The following CEP89 variants were observed in gnomAD, a reference collection of about 807,000 sequenced individuals.
CEP89 encodes centrosomal protein of 89 kDa.
In CEP89, 95 loss-of-function variants were observed where a neutral mutation model predicts 97.6. That is an observed-to-expected ratio of 0.97 (90% CI 0.82 to 1.15). CEP89 has a LOEUF of 1.15. Ranked by LOEUF, CEP89 falls within the 50% of genes most tolerant of loss-of-function variation. The pLI, the probability that CEP89 is intolerant of heterozygous loss-of-function variation, is 0.00. For synonymous variants in CEP89, 354 were observed against 349.1 expected, an observed-to-expected ratio of 1.01 and a Z score of -0.16; for missense variants, 869 against 947.7, an observed-to-expected ratio of 0.92 and a Z score of 1.09.
At chr19:32,897,129 A>G (rs1057189633) in intron 16 of CEP89, among the ~76,000 whole-genome samples, 1 of 152,242 alleles carries the variant, frequency 6.6e-6, no homozygotes. Flanking sequence ...TAGATTCCAA[A>G]GAACAGAAGT....
At chr19:32,957,381 A>G (rs1181116257) in intron 3 of CEP89, among the ~76,000 whole-genome samples, 2 of 148,420 alleles carry the variant, frequency 1.3e-5, no homozygotes, top group Non-Finnish European at 3.0e-5. Context: ...AATTGAGTGT[A>G]TGTGCGTGCA....
At chr19:32,917,820 A>ATTCC (rs1568559193) in intron 13 of CEP89, 1 of 984,532 alleles carries the variant, frequency 1.0e-6, no homozygotes. Flanking sequence ...CTCTGAAGGA[A>ATTCC]GGAAGGACAC....
intron 5 of CEP89, among the ~76,000 whole-genome samples, chr19:32,944,238 G>A (rs4805020): frequency 0.13 from 1,411 of 11,004 alleles, 44 homozygotes; most frequent in African/African-American, 0.22. Flanking sequence ...AAAAAAAAAA[G>A]ACTCTTCTTC....
At position 32,953,724 on chromosome 19, in the gene CEP89, TC is replaced by T; in HGVS notation, c.382del (p.Asp128ThrfsTer44). 6.2e-7 allele frequency: 1 copy of T among 1,614,094 alleles called. No homozygotes were observed. The highest frequency in any genetic ancestry group is 8.5e-7 in the Non-Finnish European group (1 of 1,179,966). ...FETLDYGDEE[D>X]IETQLSSSGK... ...GCTGGATGACAGCTGAGTTTCAATGTCCTCTTCGTCCCCATAGTCCAGTGTT... is the reference window on the plus strand; with the variant it reads ...GCTGGATGACAGCTGAGTTTCAATGTCTCTTCGTCCCCATAGTCCAGTGTT... On this transcript the variant is annotated frameshift_variant, in exon 4 of 19. Coordinates refer to ENST00000305768, the MANE Select transcript of CEP89 (RefSeq NM_032816.5). LOFTEE classifies it high-confidence loss of function.
chr19:32,906,736 T>C (rs1449649183), intron 14 of CEP89, among the ~76,000 whole-genome samples: 1 of 149,084 alleles, frequency 6.7e-6, no homozygotes, highest in African/African-American at 2.4e-5. Context: ...TAAATACTAA[T>C]AGTTACATAT....
chr19:32,897,561 G>A (rs546700716), intron 16 of CEP89, among the ~76,000 whole-genome samples: 1 of 152,222 alleles, frequency 6.6e-6, no homozygotes, highest in South Asian at 2.1e-4. Flanking sequence ...TACATTTAGA[G>A]GGTCCTGAAA....
intron 13 of CEP89, among the ~76,000 whole-genome samples, chr19:32,915,955 T>C (rs1970118438): frequency 6.8e-6 from 1 of 146,466 alleles, no homozygotes; most frequent in South Asian, 2.2e-4. Context: ...TGGAGTGTTA[T>C]AAATTAACAC....
chr19:32,895,094 A>T (rs911050549), intron 16 of CEP89, among the ~76,000 whole-genome samples: 2 of 152,196 alleles, frequency 1.3e-5, no homozygotes, highest in African/African-American at 2.4e-5. Context: ...TTCCAAAAAA[A>T]TTTAAGAGGA....
At chr19:32,918,469 C>T (rs1349493532) in intron 12 of CEP89, 130 bp from the exon 13 acceptor site, 3 of 667,182 alleles carry the variant, frequency 4.5e-6, no homozygotes, top group Admixed American at 2.5e-5. Context: ...TCATGTTAAA[C>T]ATATTAACAC....
chr19:32,911,962 C>T (rs1010698687), intron 14 of CEP89, among the ~76,000 whole-genome samples: 1 of 152,170 alleles, frequency 6.6e-6, no homozygotes, highest in African/African-American at 2.4e-5. Context: ...GCTGGTGGCT[C>T]ACACCTGTAA....
rs543970237 is a variant in CEP89 at position 32,929,150 on chromosome 19, T to C, written c.1030-2166A>G. ...ACATTGGCAACTCACTAAGTCATTA[T>C]GGACACTGCAACGCAACCCTTGTTT... is the stretch of plus-strand genomic sequence containing the variant. On this transcript the variant is annotated intron_variant, in intron 9 of 18. Coordinates refer to ENST00000305768, the MANE Select transcript of CEP89 (RefSeq NM_032816.5). 4.6e-5 allele frequency among the ~76,000 whole-genome samples: 7 copies of C among 152,356 alleles called. No homozygotes were observed. The South Asian group carries it at 1.2e-3, about 27-fold the overall frequency.
intron 4 of CEP89, among the ~76,000 whole-genome samples, chr19:32,949,802 A>G (rs1262712077): frequency 2.6e-5 from 4 of 152,060 alleles, no homozygotes; most frequent in African/African-American, 9.7e-5. Context: ...GCTGGGCTGC[A>G]CTGCAGGCAA....
intron 16 of CEP89, among the ~76,000 whole-genome samples, chr19:32,893,908 T>C (rs1229108756): frequency 6.6e-6 from 1 of 152,200 alleles, no homozygotes; most frequent in East Asian, 1.9e-4. Context: ...GGGAAGTTTA[T>C]AGCAATAAAT....
intron 13 of CEP89, chr19:32,917,633 G>T: frequency 5.5e-6 from 1 of 181,152 alleles, no homozygotes; most frequent in South Asian, 1.8e-4. Flanking sequence ...CATGAATTAC[G>T]GTTTTAAAGC....
intron 16 of CEP89, among the ~76,000 whole-genome samples, chr19:32,894,879 G>A (rs1393018794): frequency 1.3e-5 from 2 of 152,148 alleles, no homozygotes; most frequent in East Asian, 1.9e-4. Context: ...CTTTTGTGAA[G>A]TCAAGAACCT....
At chr19:32,897,943 T>G (rs1470241765) in intron 16 of CEP89, among the ~76,000 whole-genome samples, 1 of 152,174 alleles carries the variant, frequency 6.6e-6, no homozygotes, top group East Asian at 1.9e-4. Context: ...GAATGTAAAT[T>G]AGTACAGCCA....
chr19:32,958,053 C>T (rs1188568696), intron 3 of CEP89, among the ~76,000 whole-genome samples: 1 of 149,690 alleles, frequency 6.7e-6, no homozygotes. Flanking sequence ...GGGGATAGTC[C>T]AGCACTCCTG....
chr19:32,930,176 C>A (rs182979135), intron 9 of CEP89, among the ~76,000 whole-genome samples: 5 of 152,054 alleles, frequency 3.3e-5, no homozygotes, highest in Non-Finnish European at 5.9e-5. Context: ...CAGGTGCGCA[C>A]GACCATGCCT....
At chr19:32,905,373 G>A (rs769992507) in intron 14 of CEP89, among the ~76,000 whole-genome samples, 3 of 152,128 alleles carry the variant, frequency 2.0e-5, no homozygotes, top group African/African-American at 4.8e-5. Flanking sequence ...TTAGATTAAG[G>A]AGCATTAATT....
Sources: allele counts gnomAD v4.1 joint callset (sites outside exome capture counted in the v4.1 genomes callset), GRCh38; gene constraint gnomAD v4.1.1; transcripts MANE v1.5; gene names NCBI Gene and HGNC (gene_info 2026-07-23, HGNC 2026-07-21).